The following SESTD1 variants were observed in gnomAD, a reference collection of about 807,000 sequenced individuals.
SESTD1 encodes the protein SEC14 and spectrin domain containing 1.
SESTD1 carries 43 observed loss-of-function variants against 101.7 expected under a neutral mutation model. The observed-to-expected ratio is 0.42, with a 90% confidence interval of 0.33 to 0.55. The LOEUF is 0.55. Ranked by LOEUF, SESTD1 falls within the 20% of genes least tolerant of loss-of-function variation. The pLI is 0.07. For missense variants in SESTD1, 647 were observed against 815.1 expected (o/e 0.79, Z 2.51); for synonymous variants, 283 against 286.8 (o/e 0.99, Z 0.13).
chr2:179,116,459 A>G (rs960132086), intron 15 of SESTD1: 11 of 662,150 alleles, frequency 1.7e-5, no homozygotes, highest in Non-Finnish European at 2.6e-5. Flanking sequence ...CAGAGGGACC[A>G]TGCAGAACAT....
At chr2:179,197,863 T>C (rs7420537) in intron 1 of SESTD1, among the ~76,000 whole-genome samples, 3 of 151,374 alleles carry the variant, frequency 2.0e-5, no homozygotes. Flanking sequence ...TCATGCCAAA[T>C]TGTAAAGACC....
At chr2:179,231,833 A>G (rs2046992994) in intron 1 of SESTD1, among the ~76,000 whole-genome samples, 1 of 151,994 alleles carries the variant, frequency 6.6e-6, no homozygotes, top group Non-Finnish European at 1.5e-5. Context: ...AGAAGACTCA[A>G]ATCAAAAAGC....
intron 10 of SESTD1, among the ~76,000 whole-genome samples, chr2:179,130,558 AACTT>A (rs1463454673): frequency 6.6e-6 from 1 of 152,090 alleles, no homozygotes; most frequent in African/African-American, 2.4e-5. Context: ...TCTTTTTGTA[AACTT>A]AGAGTACAGT....
At chr2:179,123,083 T>A (rs2044789431) in intron 12 of SESTD1, among the ~76,000 whole-genome samples, 1 of 152,148 alleles carries the variant, frequency 6.6e-6, no homozygotes, top group Non-Finnish European at 1.5e-5. Context: ...CCCCCCTTGA[T>A]ACGACTCCCC....
At chr2:179,229,782 T>TAC (rs141203169) in intron 1 of SESTD1, among the ~76,000 whole-genome samples, 4,146 of 115,366 alleles carry the variant, frequency 0.036, 100 homozygotes, top group African/African-American at 0.057. Context: ...TATACTCAAA[T>TAC]ACACACACAC....
intron 1 of SESTD1, among the ~76,000 whole-genome samples, chr2:179,239,483 G>A (rs2047118088): frequency 6.6e-6 from 1 of 152,070 alleles, no homozygotes; most frequent in South Asian, 2.1e-4. Flanking sequence ...AACTTTAAAA[G>A]TGACTGAAAC....
intron 1 of SESTD1, among the ~76,000 whole-genome samples, chr2:179,203,352 C>T (rs370122094): frequency 7.5e-6 from 1 of 133,844 alleles, no homozygotes; most frequent in African/African-American, 3.0e-5. Context: ...CAAAGCCGGC[C>T]CCAGGCAGTA....
intron 4 of SESTD1, among the ~76,000 whole-genome samples, chr2:179,175,365 T>C (rs959935661): frequency 6.6e-6 from 1 of 152,216 alleles, no homozygotes. Flanking sequence ...TTAATTATCA[T>C]TTAAATTTTA....
intron 3 of SESTD1, among the ~76,000 whole-genome samples, chr2:179,178,515 T>A (rs2046050675): frequency 6.6e-6 from 1 of 151,920 alleles, no homozygotes; most frequent in Non-Finnish European, 1.5e-5. Flanking sequence ...TGACACACAA[T>A]GACTATCTGT....
At position 179,104,778 on chromosome 2, in the gene SESTD1, C is replaced by T. The variant is rs2044344484; in HGVS notation, c.*5121G>A. The T allele has an allele frequency of 6.6e-6, 1 of 152,102 alleles. No homozygotes were observed. The highest frequency in any genetic ancestry group is 2.4e-5 in the African/African-American group (1 of 41,398). 9.4% of individuals were successfully genotyped at this position (152,102 alleles called of 1,614,324 possible). A position where few individuals can be genotyped will look rare whatever the true frequency, so the allele number is the denominator to read the frequency against. On this transcript the variant is annotated 3_prime_UTR_variant, in exon 18 of 18. Coordinates refer to ENST00000428443, the MANE Select transcript of SESTD1 (RefSeq NM_178123.5). ...CATATAGGAATTATACATACAGCCT[C>T]ATAAAGTTCTCCAAAAAAAATCTTT... is the stretch of plus-strand genomic sequence containing the variant.
chr2:179,231,291 A>G (rs2046983911), intron 1 of SESTD1, among the ~76,000 whole-genome samples: 1 of 152,208 alleles, frequency 6.6e-6, no homozygotes, highest in Non-Finnish European at 1.5e-5. Context: ...AGGATTGAGG[A>G]TGAAACAGAC....
intron 8 of SESTD1, among the ~76,000 whole-genome samples, chr2:179,144,480 A>C (rs1002959478): frequency 4.6e-5 from 7 of 152,090 alleles, no homozygotes; most frequent in East Asian, 1.9e-4. Context: ...CAGCAAACTC[A>C]TGTAGAAAAT....
In SESTD1 at chr2:179,104,809, T is replaced by C. The variant is rs969020007; in HGVS notation, c.*5090A>G. 1.3e-5 allele frequency: 2 copies of C among 152,162 alleles called. No homozygotes were observed. Among genetic ancestry groups the C allele is most frequent in the Non-Finnish European group, 2.9e-5 (2 of 68,026 alleles). The allele number at this position is 152,162 out of a possible 1,614,324, so 9.4% of individuals were successfully genotyped here. On this transcript the variant is annotated 3_prime_UTR_variant, in exon 18 of 18. Transcript: ENST00000428443. ...GTTCTCCAAAAAAAATCTTTAAAAA[T>C]GTGCCCACTGCTTTCAAAATATTTC... is the stretch of plus-strand genomic sequence containing the variant.
chr2:179,253,841 T>C (rs551279056), intron 1 of SESTD1, among the ~76,000 whole-genome samples: 1 of 152,248 alleles, frequency 6.6e-6, no homozygotes, highest in East Asian at 1.9e-4. Context: ...CTCACACCTG[T>C]AACCCCAGCA....
At chr2:179,146,901 AGG>A (rs1431890016) in intron 7 of SESTD1, among the ~76,000 whole-genome samples, 3 of 120,286 alleles carry the variant, frequency 2.5e-5, no homozygotes, top group African/African-American at 1.3e-4. Flanking sequence ...CTTATATTCC[AGG>A]GGTGTGTGTG....
rs148930489 is a variant in SESTD1 at position 179,205,845 on chromosome 2, A to G, written c.-25-13979T>C. Among the ~76,000 whole-genome samples the G allele has an allele frequency of 5.2e-3, 702 of 134,520 alleles. 110 individuals are homozygous for G. In the East Asian group the frequency reaches 0.1, roughly 19 times the overall value. 88.3% of individuals were successfully genotyped at this position (134,520 alleles called of 152,430 possible). On this transcript the variant is annotated intron_variant, in intron 1 of 17. Coordinates refer to ENST00000428443, the MANE Select transcript of SESTD1 (RefSeq NM_178123.5). Reference sequence around the variant, plus strand: ...TCCTCCCTTCTAGAGTCTCCTTTCCATCAATCTCTTTCACTGTTGTCACAA... The same window carrying G: ...TCCTCCCTTCTAGAGTCTCCTTTCCGTCAATCTCTTTCACTGTTGTCACAA...
intron 13 of SESTD1, among the ~76,000 whole-genome samples, chr2:179,120,428 G>A (rs1288156045): frequency 6.6e-6 from 1 of 152,196 alleles, no homozygotes; most frequent in Non-Finnish European, 1.5e-5. Flanking sequence ...AGTAATTCAA[G>A]TAGTGAGAAT....
chr2:179,247,351 A>G lies in SESTD1; in HGVS notation c.-26+17148T>C, dbSNP rs560614462. On this transcript the variant is annotated intron_variant, in intron 1 of 17. Transcript: ENST00000428443. ...AAATAAATGAAGCATAAGTTCTTATAACATTTACAAAAATCTAGAAAACTC... is the reference window on the plus strand; with the variant it reads ...AAATAAATGAAGCATAAGTTCTTATGACATTTACAAAAATCTAGAAAACTC... Among the ~76,000 whole-genome samples the G allele has an allele frequency of 1.6e-4, 24 of 152,304 alleles. No individual in the cohort carries two copies. The South Asian group carries it at 4.1e-3, about 26-fold the overall frequency.
chr2:179,107,353 G>T lies in SESTD1; in HGVS notation c.*2546C>A, dbSNP rs555816832. On this transcript the variant is annotated 3_prime_UTR_variant, in exon 18 of 18. Transcript: ENST00000428443. Reference sequence around the variant, plus strand: ...CTCATGTGAAACACTCAATTTACAAGTAACATTTATGAATCCTGCCTTATT... The same window carrying T: ...CTCATGTGAAACACTCAATTTACAATTAACATTTATGAATCCTGCCTTATT... The T allele has an allele frequency of 5.3e-5, 8 of 152,240 alleles. No homozygotes were observed. The South Asian group carries it at 1.7e-3, about 32-fold the overall frequency. The allele number at this position is 152,240 out of a possible 1,614,324, so 9.4% of individuals were successfully genotyped here.
Sources: gnomAD v4.1 joint callset for allele counts (sites outside exome capture counted in the v4.1 genomes callset) on GRCh38, gnomAD v4.1.1 for gene constraint, MANE v1.5 for transcripts, NCBI Gene and HGNC (gene_info 2026-07-23, HGNC 2026-07-21) for gene names.